ZIC4: variants seen among roughly 807,000 people sequenced by gnomAD.
ZIC4 encodes the protein Zic family zinc finger 4.
ZIC4 carries 15 observed loss-of-function variants against 28.8 expected under a neutral mutation model. That is an observed-to-expected ratio of 0.52 (90% CI 0.35 to 0.80). ZIC4 has a LOEUF of 0.80. Ranked by LOEUF, ZIC4 falls within the 30% of genes least tolerant of loss-of-function variation. ZIC4 has a pLI of 0.01. For missense variants in ZIC4, 512 were observed against 467.1 expected, an observed-to-expected ratio of 1.10 and a Z score of -0.89; for synonymous variants, 220 against 198.1, an observed-to-expected ratio of 1.11 and a Z score of -0.93.
At position 147,386,737 on chromosome 3, in the gene ZIC4, T is replaced by A. The variant is rs1210357507; in HGVS notation, c.*2122A>T. The stretch of plus-strand genomic sequence containing the variant: ...GGAAGGATGGGCATTTACATGCATT[T>A]TCGATCACTGTGTTGTAGACCAAAC... On this transcript the variant is annotated 3_prime_UTR_variant, in exon 5 of 5. Coordinates refer to ENST00000383075, the MANE Select transcript of ZIC4 (RefSeq NM_032153.6). 1 of 152,248 alleles carries A rather than the reference T, an allele frequency of 6.6e-6. No individual in the cohort carries two copies. Among genetic ancestry groups the A allele is most frequent in the Non-Finnish European group, 1.5e-5 (1 of 68,038 alleles). 9.4% of individuals were successfully genotyped at this position (152,248 alleles called of 1,614,324 possible). A position where few individuals can be genotyped will look rare whatever the true frequency, so the allele number is the denominator to read the frequency against.
At chr3:147,393,342 A>T (rs1467700568) in intron 3 of ZIC4, 2 of 153,132 alleles carry the variant, frequency 1.3e-5, no homozygotes, top group Non-Finnish European at 2.9e-5. Flanking sequence ...CCGGAGCTGC[A>T]GGAGGCGCCC....
chr3:147,397,476 C>A (rs371389868), intron 2 of ZIC4, among the ~76,000 whole-genome samples: 2 of 151,844 alleles, frequency 1.3e-5, no homozygotes, highest in Admixed American at 6.6e-5. Flanking sequence ...GGGCACAAAT[C>A]CTTTTCTCTC....
chr3:147,392,246 C>T, intron 3 of ZIC4: 21 of 985,790 alleles, frequency 2.1e-5, no homozygotes, highest in Non-Finnish European at 2.5e-5. Flanking sequence ...GGGAAGAAAA[C>T]AGCTGCTGCT....
intron 2 of ZIC4, among the ~76,000 whole-genome samples, chr3:147,399,837 T>A (rs2107979992): frequency 6.6e-6 from 1 of 152,214 alleles, no homozygotes; most frequent in Admixed American, 6.5e-5. Context: ...AGCTAATTTT[T>A]GTATTTTTAG....
intron 1 of ZIC4, among the ~76,000 whole-genome samples, chr3:147,403,236 G>A (rs1482293201): frequency 6.6e-6 from 1 of 152,044 alleles, no homozygotes; most frequent in Admixed American, 6.5e-5. Flanking sequence ...AACTCTGAGA[G>A]GTTAGCAGCT....
In ZIC4 at chr3:147,395,707, G is replaced by A. The variant is rs562381713; in HGVS notation, c.688+145C>T. The A allele has an allele frequency of 8.7e-5, 112 of 1,283,738 alleles. 1 individual carries two copies. Among genetic ancestry groups the A allele is most frequent in the Non-Finnish European group, 1.1e-4 (99 of 936,012 alleles). The allele number at this position is 1,283,738 out of a possible 1,614,324, so 79.5% of individuals were successfully genotyped here. A position where few individuals can be genotyped will look rare whatever the true frequency, so the allele number is the denominator to read the frequency against. On this transcript the variant is annotated intron_variant, in intron 3 of 4. Coordinates refer to ENST00000383075, the MANE Select transcript of ZIC4 (RefSeq NM_032153.6). ...CTTCTGTGATTCTAAGAATAGAAGCGCATAATTAATATTTTATGGCCTTGG... is the reference window on the plus strand; with the variant it reads ...CTTCTGTGATTCTAAGAATAGAAGCACATAATTAATATTTTATGGCCTTGG...
chr3:147,388,640 ATAT>A lies in ZIC4; in HGVS notation c.*216_*218del. The A allele has an allele frequency of 1.9e-6, 1 of 535,120 alleles. No homozygotes were observed. The highest frequency in any genetic ancestry group is 3.0e-5 in the East Asian group (1 of 32,964). 33.1% of individuals were successfully genotyped at this position (535,120 alleles called of 1,614,324 possible). On this transcript the variant is annotated 3_prime_UTR_variant, in exon 5 of 5. Transcript: ENST00000383075. ...AAGAAAAAAGGTCTGTTAGACGTAA[ATAT>A]TATGTCCTTAATGAAAAGCCTGGAC...
chr3:147,404,232 T>G, intron 1 of ZIC4: 1 of 1,452,278 alleles, frequency 6.9e-7, no homozygotes. Context: ...GAGATCCCTG[T>G]CCACCCATAA....
chr3:147,395,587 A>T (rs542384812), intron 3 of ZIC4, among the ~76,000 whole-genome samples: 1 of 152,332 alleles, frequency 6.6e-6, no homozygotes, highest in Admixed American at 6.5e-5. Flanking sequence ...AGCAGAGAGC[A>T]CATGTTTGCA....
intron 3 of ZIC4, chr3:147,392,612 G>A (rs1019824940): frequency 7.0e-5 from 14 of 198,968 alleles, no homozygotes; most frequent in Non-Finnish European, 9.9e-5. Context: ...GGAGGAAGAC[G>A]CGCAGCTGGA....
intron 4 of ZIC4, among the ~76,000 whole-genome samples, chr3:147,390,133 G>T (rs2086882722): frequency 6.6e-6 from 1 of 152,158 alleles, no homozygotes; most frequent in Admixed American, 6.5e-5. Flanking sequence ...ATGTTTATCT[G>T]TGTGCCCAGG....
chr3:147,404,409 G>GA, intron 1 of ZIC4: 1 of 606,512 alleles, frequency 1.6e-6, no homozygotes, highest in South Asian at 6.3e-5. Flanking sequence ...CCATCACACA[G>GA]CCTACACAGG....
intron 3 of ZIC4, chr3:147,391,909 C>T (rs866272009): frequency 1.1e-4 from 102 of 917,914 alleles, no homozygotes; most frequent in Admixed American, 1.9e-4. Flanking sequence ...GAATGGAGCC[C>T]CCTCCCTCTT....
At chr3:147,390,643 A>G (rs1382124836) in intron 4 of ZIC4, among the ~76,000 whole-genome samples, 1 of 152,152 alleles carries the variant, frequency 6.6e-6, no homozygotes, top group Non-Finnish European at 1.5e-5. Flanking sequence ...TACAGAATAA[A>G]TAGGGGGACC....
chr3:147,400,397 C>T (rs1268962904), intron 2 of ZIC4, among the ~76,000 whole-genome samples: 1 of 152,214 alleles, frequency 6.6e-6, no homozygotes, highest in Non-Finnish European at 1.5e-5. Context: ...CAGCCAAAAT[C>T]CTGGAGAGTA....
Position 147,396,377 on chromosome 3 carries a change from G to C in ZIC4, c.163C>G (p.Pro55Ala). The change falls in exon 3 of 5, where the codon CCC (proline) becomes GCC (alanine). Residue 55 changes from proline to alanine, a missense_variant. By Grantham distance (27) the Pro-to-Ala change is conservative. Transcript: ENST00000383075. The surrounding 1 kb of genome is among the most constrained non-coding windows in gnomAD (Gnocchi z 4.2). ...GLHEEPPQAS[P>A]SRPLNGLLRL... ...AGGAGTCCATTCAAAGGACGGCTGG[G>C]GGAGGCCTGGGGAGGCTCCTCGTGG... is the stretch of plus-strand genomic sequence containing the variant. The C allele has an allele frequency of 1.3e-6, 2 of 1,531,072 alleles. No individual in the cohort carries two copies. 94.8% of individuals were successfully genotyped at this position (1,531,072 alleles called of 1,614,324 possible). A position where few individuals can be genotyped will look rare whatever the true frequency, so the allele number is the denominator to read the frequency against.
chr3:147,404,896 T>C (rs1320791185), intron 1 of ZIC4, among the ~76,000 whole-genome samples: 1 of 152,228 alleles, frequency 6.6e-6, no homozygotes, highest in Non-Finnish European at 1.5e-5. Flanking sequence ...CCTTACTGAC[T>C]AGCCGGCAGG....
chr3:147,399,684 G>A (rs980195887), intron 2 of ZIC4, among the ~76,000 whole-genome samples: 1 of 40,182 alleles, frequency 2.5e-5, no homozygotes, highest in Non-Finnish European at 5.1e-5. Context: ...TTTTTTTTTT[G>A]AGAGGGAGTC....
chr3:147,388,669 G>A lies in ZIC4; in HGVS notation c.*190C>T, dbSNP rs1374679604. ...TATGTCCTTAATGAAAAGCCTGGACGGGCTCCAGGCTTGGCCTTTCAGGAT... is the reference window on the plus strand; with the variant it reads ...TATGTCCTTAATGAAAAGCCTGGACAGGCTCCAGGCTTGGCCTTTCAGGAT... On this transcript the variant is annotated 3_prime_UTR_variant, in exon 5 of 5. Transcript: ENST00000383075. The A allele has an allele frequency of 3.4e-6, 2 of 584,166 alleles. No individual in the cohort carries two copies. Among genetic ancestry groups the A allele is most frequent in the Non-Finnish European group, 3.1e-6 (1 of 324,364 alleles). 36.2% of individuals were successfully genotyped at this position (584,166 alleles called of 1,614,324 possible).
Sources: allele counts gnomAD v4.1 joint callset (sites outside exome capture counted in the v4.1 genomes callset), GRCh38; gene constraint gnomAD v4.1.1; non-coding constraint Gnocchi (gnomAD v3.1); transcripts MANE v1.5; gene names NCBI Gene and HGNC (gene_info 2026-07-23, HGNC 2026-07-21).